The following SMAD5 variants were observed in gnomAD, a reference collection of about 807,000 sequenced individuals.
SMAD5 encodes the protein MAD, mothers against decapentaplegic homolog 5.
In SMAD5, 9 loss-of-function variants were observed where a neutral mutation model predicts 43.1. The ratio of observed to expected loss-of-function variants is 0.21; its 90% confidence interval spans 0.13 to 0.36. SMAD5 has a LOEUF of 0.36. SMAD5 is among the 10% of genes least tolerant of loss of function. The probability of loss-of-function intolerance (pLI) is 1.00; values close to 1 mark genes in which losing one functional copy is unlikely to be tolerated. For missense variants in SMAD5, 348 were observed against 574.0 expected, an observed-to-expected ratio of 0.61 and a Z score of 4.02; for synonymous variants, 190 against 192.4, an observed-to-expected ratio of 0.99 and a Z score of 0.10.
At chr5:136,164,623 T>C (rs1753933995) in intron 5 of SMAD5, among the ~76,000 whole-genome samples, 1 of 152,232 alleles carries the variant, frequency 6.6e-6, no homozygotes, top group African/African-American at 2.4e-5. Context: ...ATGAATCCTT[T>C]ATCAGATATA....
Position 136,177,226 on chromosome 5 carries a change from A to T in SMAD5, c.1255-111A>T, listed in dbSNP as rs1754451165. On this transcript the variant is annotated intron_variant, in intron 7 of 7. Transcript: ENST00000545279. Reference sequence around the variant, plus strand: ...TTGTGATAGTTATTCTCTTTATGTAACTTCTACATATCTCTACTGTTAAAA... The same window carrying T: ...TTGTGATAGTTATTCTCTTTATGTATCTTCTACATATCTCTACTGTTAAAA... 5.9e-6 allele frequency: 5 copies of T among 852,218 alleles called. No individual in the cohort carries two copies. In the Admixed American group the frequency reaches 1.1e-4, roughly 18 times the overall value. The allele number at this position is 852,218 out of a possible 1,614,324, so 52.8% of individuals were successfully genotyped here. A position where few individuals can be genotyped will look rare whatever the true frequency, so the allele number is the denominator to read the frequency against.
chr5:136,156,672 T>A (rs1341603287), intron 3 of SMAD5, among the ~76,000 whole-genome samples: 2 of 152,194 alleles, frequency 1.3e-5, no homozygotes, highest in African/African-American at 2.4e-5. Context: ...AAGCTTGCTA[T>A]TTGCTAGGAG....
At chr5:136,159,603 C>T (rs1266724594) in intron 3 of SMAD5, among the ~76,000 whole-genome samples, 1 of 151,968 alleles carries the variant, frequency 6.6e-6, no homozygotes, top group East Asian at 1.9e-4. Flanking sequence ...TTCACTAAGT[C>T]TCTCAGATTG....
At chr5:136,138,147 G>T (rs755915454) in intron 1 of SMAD5, among the ~76,000 whole-genome samples, 11 of 152,182 alleles carry the variant, frequency 7.2e-5, no homozygotes, top group Admixed American at 2.0e-4. Context: ...TTAATTAGGG[G>T]ACTTAGAGGA....
chr5:136,174,633 G>A lies in SMAD5; in HGVS notation c.1254+1G>A. On this transcript the variant is annotated splice_donor_variant, in intron 7 of 7. Coordinates refer to ENST00000545279, the MANE Select transcript of SMAD5 (RefSeq NM_005903.7). LOFTEE classifies it high-confidence loss of function. The stretch of plus-strand genomic sequence containing the variant: ...TACCATTCGGATGAGTTTTGTCAAG[G>A]TGAGTTGTGACCTCTAACATAATTT... The A allele has an allele frequency of 6.2e-7, 1 of 1,604,638 alleles. No homozygotes were observed. The highest frequency in any genetic ancestry group is 8.5e-7 in the Non-Finnish European group (1 of 1,171,654).
intron 5 of SMAD5, among the ~76,000 whole-genome samples, chr5:136,167,714 G>T (rs1273690858): frequency 1.3e-5 from 2 of 150,298 alleles, no homozygotes; most frequent in Admixed American, 1.3e-4. Context: ...GGAGGTGGAG[G>T]TTGCAGTGAG....
At chr5:136,154,301 G>A (rs973648190) in intron 3 of SMAD5, 138 bp downstream of exon 3, 4 of 589,988 alleles carry the variant, frequency 6.8e-6, no homozygotes, top group Non-Finnish European at 1.1e-5. Context: ...ATCTTGGAAG[G>A]GCTATTGGAT....
rs1754308046 is a variant in SMAD5 at position 136,173,792 on chromosome 5, A to C, written c.998-584A>C. Among the ~76,000 whole-genome samples, 7 of 151,836 alleles carry C rather than the reference A, an allele frequency of 4.6e-5. No homozygotes were observed. The South Asian group carries it at 1.5e-3, about 31-fold the overall frequency. On this transcript the variant is annotated intron_variant, in intron 6 of 7. Transcript: ENST00000545279. ...AATATTTAATGTTAAAACTATTTCC[A>C]CATATTTATATATTTTTAAAATTTT...
At chr5:136,149,339 AG>A (rs1753372138) in intron 2 of SMAD5, among the ~76,000 whole-genome samples, 1 of 151,860 alleles carries the variant, frequency 6.6e-6, no homozygotes, top group Non-Finnish European at 1.5e-5. Context: ...ATATATACCT[AG>A]GAATGGAATT....
At chr5:136,166,934 C>G (rs559626900) in intron 5 of SMAD5, among the ~76,000 whole-genome samples, 1 of 152,314 alleles carries the variant, frequency 6.6e-6, no homozygotes, top group South Asian at 2.1e-4. Flanking sequence ...TTGATACTCA[C>G]ATTTTCTCAC....
At chr5:136,144,539 C>T (rs150502165) in intron 1 of SMAD5, among the ~76,000 whole-genome samples, 9 of 151,420 alleles carry the variant, frequency 5.9e-5, no homozygotes, top group African/African-American at 4.8e-5. Flanking sequence ...TCCTTGAAGC[C>T]TATTGACTTT....
At position 136,172,589 on chromosome 5, in the gene SMAD5, T is replaced by C. The variant is rs759194744; in HGVS notation, c.931T>C (p.Leu311=). 1 of 1,613,508 alleles carries C rather than the reference T, an allele frequency of 6.2e-7. No homozygotes were observed. Among genetic ancestry groups the C allele is most frequent in the Non-Finnish European group, 8.5e-7 (1 of 1,179,456 alleles). The part of the protein sequence containing the change: ...DPSNNKSRFC[L]GLLSNVNRNS... Reference sequence around the variant, plus strand: ...TTCAAATAACAAAAGTAGATTCTGCTTGGGTTTGTTGTCAAATGTTAATCG... The same window carrying C: ...TTCAAATAACAAAAGTAGATTCTGCCTGGGTTTGTTGTCAAATGTTAATCG... The change falls in exon 6 of 8, where the codon TTG becomes CTG. Residue 311 remains leucine, a synonymous_variant. Transcript: ENST00000545279.
chr5:136,176,833 G>T lies in SMAD5; in HGVS notation c.1255-504G>T, dbSNP rs118088013. Among the ~76,000 whole-genome samples, 125 of 152,120 alleles carry T rather than the reference G, an allele frequency of 8.2e-4. No homozygotes were observed. In the East Asian group the frequency reaches 0.022, roughly 27 times the overall value. On this transcript the variant is annotated intron_variant, in intron 7 of 7. Transcript: ENST00000545279. ...CTTACAAAGAAATTAAGAGAAAATGGTATTTATAAATATTTGCAGGCAGAT... is the reference window on the plus strand; with the variant it reads ...CTTACAAAGAAATTAAGAGAAAATGTTATTTATAAATATTTGCAGGCAGAT...
At position 136,160,894 on chromosome 5, in the gene SMAD5, A is replaced by G; in HGVS notation, c.442A>G (p.Asn148Asp). The change falls in exon 4 of 8, where the codon AAT (asparagine) becomes GAT (aspartate). Residue 148 changes from asparagine to aspartate, a missense_variant. By Grantham distance (23) the Asn-to-Asp change is conservative. Transcript: ENST00000545279. ...ATTAGTGCCTCGTCATAATGAATTC[A>G]ATCCACAACACAGCCTTCTGGTTCA... ...PVLVPRHNEF[N>D]PQHSLLVQFR... 1 of 1,613,926 alleles carries G rather than the reference A, an allele frequency of 6.2e-7. No individual in the cohort carries two copies. Among genetic ancestry groups the G allele is most frequent in the Non-Finnish European group, 8.5e-7 (1 of 1,179,846 alleles).
chr5:136,172,803 A>G, intron 6 of SMAD5, 148 bp downstream of exon 6: 1 of 623,036 alleles, frequency 1.6e-6, no homozygotes, highest in South Asian at 1.9e-5. Flanking sequence ...GAATGTATTA[A>G]TCAAATAAAG....
intron 3 of SMAD5, 46 bp downstream of exon 3, chr5:136,154,209 A>G: frequency 2.4e-6 from 3 of 1,254,252 alleles, no homozygotes; most frequent in Non-Finnish European, 3.2e-6. Flanking sequence ...AAAACAAAAA[A>G]CCTCTCTTCC....
chr5:136,160,823 C>T (rs1254674444), intron 3 of SMAD5, 33 bp from the exon 4 acceptor site: 1 of 1,606,014 alleles, frequency 6.2e-7, no homozygotes, highest in African/African-American at 1.3e-5. Flanking sequence ...TTTAGTCATT[C>T]CTGACAAATG....
At chr5:136,136,218 C>T (rs1752871415) in intron 1 of SMAD5, among the ~76,000 whole-genome samples, 1 of 152,220 alleles carries the variant, frequency 6.6e-6, no homozygotes, top group Non-Finnish European at 1.5e-5. Context: ...AGCTCTGTCG[C>T]CCAATCTGGA....
intron 3 of SMAD5, among the ~76,000 whole-genome samples, chr5:136,154,593 C>T (rs954936353): frequency 6.6e-6 from 1 of 152,074 alleles, no homozygotes; most frequent in Admixed American, 6.6e-5. Flanking sequence ...TACTACCCAT[C>T]CTAAAATAAA....
Sources: gnomAD v4.1 joint callset for allele counts (sites outside exome capture counted in the v4.1 genomes callset) on GRCh38, gnomAD v4.1.1 for gene constraint, MANE v1.5 for transcripts, NCBI Gene and HGNC (gene_info 2026-07-23, HGNC 2026-07-21) for gene names.